The following NBEA variants were observed in gnomAD, a reference collection of about 807,000 sequenced individuals.
NBEA encodes lysosomal-trafficking regulator 2.
A neutral mutation model predicts 343.4 loss-of-function variants in NBEA; 44 were observed. The ratio of observed to expected loss-of-function variants is 0.13; its 90% CI spans 0.10 to 0.16. NBEA has a LOEUF of 0.16. Among genes scored for constraint, NBEA ranks in the 10% least tolerant of loss-of-function variants. NBEA has a pLI of 1.00. For missense variants in NBEA, 2,555 were observed against 3,631.3 expected, an observed-to-expected ratio of 0.70 and a Z score of 7.62; for synonymous variants, 1,175 against 1,238.7, an observed-to-expected ratio of 0.95 and a Z score of 1.08.
At chr13:35,098,267 T>G (rs1392283102) in intron 10 of NBEA, 30 bp from the exon 11 acceptor site, 1 of 1,420,844 alleles carries the variant, frequency 7.0e-7, no homozygotes, top group Non-Finnish European at 9.7e-7. Flanking sequence ...ATGTGATGAT[T>G]ACATAATGAT....
At chr13:35,648,002 A>G (rs1466679664) in intron 51 of NBEA, among the ~76,000 whole-genome samples, 1 of 151,794 alleles carries the variant, frequency 6.6e-6, no homozygotes, top group Non-Finnish European at 1.5e-5. Context: ...CAGTCTTCCT[A>G]GTAGCTGGGA....
intron 51 of NBEA, among the ~76,000 whole-genome samples, chr13:35,646,810 G>A (rs1325999469): frequency 6.6e-6 from 1 of 152,210 alleles, no homozygotes; most frequent in Non-Finnish European, 1.5e-5. Context: ...GTTGAACAGA[G>A]TGGTTAAGAG....
At chr13:35,083,110 G>A (rs1212942925) in intron 10 of NBEA, among the ~76,000 whole-genome samples, 1 of 152,160 alleles carries the variant, frequency 6.6e-6, no homozygotes, top group Non-Finnish European at 1.5e-5. Flanking sequence ...ATGTAAGGAA[G>A]GGATCCAGTT....
intron 1 of NBEA, among the ~76,000 whole-genome samples, chr13:34,998,656 G>C (rs560472288): frequency 2.3e-3 from 347 of 152,246 alleles, no homozygotes; most frequent in Non-Finnish European, 3.8e-3. Flanking sequence ...GTTCTGCCCA[G>C]CTCACCGGCA....
intron 38 of NBEA, among the ~76,000 whole-genome samples, chr13:35,388,953 T>A (rs2042373714): frequency 6.6e-6 from 1 of 152,176 alleles, no homozygotes; most frequent in African/African-American, 2.4e-5. Flanking sequence ...CTACCTATAT[T>A]TCTCTAAACG....
At chr13:35,304,741 TA>T (rs963301743) in intron 35 of NBEA, among the ~76,000 whole-genome samples, 5 of 152,224 alleles carry the variant, frequency 3.3e-5, no homozygotes, top group South Asian at 2.1e-4. Flanking sequence ...ATCACTGTTC[TA>T]AAAAAATTGT....
chr13:35,640,896 A>G (rs992274556), intron 49 of NBEA, among the ~76,000 whole-genome samples: 1 of 151,818 alleles, frequency 6.6e-6, no homozygotes, highest in African/African-American at 2.4e-5. Context: ...GAACTTCCTC[A>G]AGGTGTTCAA....
chr13:35,579,311 A>C (rs1318862218), intron 45 of NBEA, among the ~76,000 whole-genome samples: 1 of 152,158 alleles, frequency 6.6e-6, no homozygotes, highest in Admixed American at 6.5e-5. Flanking sequence ...CTCTGTGCTC[A>C]GACTTTTATG....
chr13:35,241,577 CA>C (rs988953375), intron 34 of NBEA, among the ~76,000 whole-genome samples: 14 of 151,494 alleles, frequency 9.2e-5, no homozygotes, highest in African/African-American at 3.4e-4. Context: ...TTTGTTTTAT[CA>C]AAACAACATT....
intron 13 of NBEA, among the ~76,000 whole-genome samples, chr13:35,111,913 C>CTTTTTTT (rs773135374): frequency 4.1e-5 from 5 of 122,754 alleles, no homozygotes; most frequent in East Asian, 2.2e-4. Flanking sequence ...TAACACTTTC[C>CTTTTTTT]TTTTTTTTTT....
At chr13:35,048,339 T>TAGA (rs2062938855) in intron 4 of NBEA, among the ~76,000 whole-genome samples, 1 of 151,990 alleles carries the variant, frequency 6.6e-6, no homozygotes, top group East Asian at 1.9e-4. Context: ...TAAAATCTAA[T>TAGA]TCACTGAGCA....
intron 1 of NBEA, among the ~76,000 whole-genome samples, chr13:35,019,078 C>G (rs1313065430): frequency 6.6e-6 from 1 of 150,878 alleles, no homozygotes; most frequent in Non-Finnish European, 1.5e-5. Context: ...ATGAGCAAAT[C>G]TTGCACTCCT....
intron 4 of NBEA, among the ~76,000 whole-genome samples, chr13:35,047,541 A>G (rs192826743): frequency 2.1e-3 from 312 of 152,072 alleles, no homozygotes; most frequent in African/African-American, 7.3e-3. Flanking sequence ...GTTAGAAGGA[A>G]GAATGATTTG....
intron 41 of NBEA, among the ~76,000 whole-genome samples, chr13:35,503,979 T>G (rs1350092037): frequency 1.3e-5 from 2 of 152,292 alleles, no homozygotes; most frequent in South Asian, 4.1e-4. Flanking sequence ...TGATTTGAAG[T>G]GTGCAAAATT....
intron 13 of NBEA, among the ~76,000 whole-genome samples, chr13:35,112,207 A>G (rs2066253142): frequency 6.6e-6 from 1 of 151,816 alleles, no homozygotes; most frequent in Non-Finnish European, 1.5e-5. Context: ...ATATAAGCTT[A>G]CTTTTATTTC....
At chr13:35,601,761 CAAAAAAAAAAAA>C (rs869213180) in intron 47 of NBEA, among the ~76,000 whole-genome samples, 152 of 114,916 alleles carry the variant, frequency 1.3e-3, no homozygotes, top group African/African-American at 5.3e-3. Flanking sequence ...GACTCCATCG[CAAAAAAAAAAAA>C]AAAAAAAAAA....
intron 36 of NBEA, among the ~76,000 whole-genome samples, chr13:35,320,018 G>T (rs1253655008): frequency 6.6e-6 from 1 of 152,012 alleles, no homozygotes; most frequent in Non-Finnish European, 1.5e-5. Context: ...CCTGAGTACA[G>T]CACACTGATG....
intron 30 of NBEA, chr13:35,185,612 G>T (rs866183008): frequency 6.6e-6 from 1 of 152,096 alleles, no homozygotes; most frequent in Admixed American, 6.6e-5. Context: ...GGAAGTATCC[G>T]GTTGTATCTG....
At chr13:35,139,638 G>A (rs118107997) in intron 17 of NBEA, among the ~76,000 whole-genome samples, 441 of 149,810 alleles carry the variant, frequency 2.9e-3, no homozygotes, top group Middle Eastern at 0.011. Context: ...AGCCTTTCCT[G>A]AACTAAACCC....
Sources: gnomAD v4.1 joint callset for allele counts (sites outside exome capture counted in the v4.1 genomes callset) on GRCh38, gnomAD v4.1.1 for gene constraint, MANE v1.5 for transcripts, NCBI Gene and HGNC (gene_info 2026-07-23, HGNC 2026-07-21) for gene names.